SHTN1: variants seen among roughly 807,000 people sequenced by gnomAD.
The protein encoded by SHTN1 is shootin 1.
A neutral mutation model predicts 83.1 loss-of-function variants in SHTN1; 42 were observed. The ratio of observed to expected loss-of-function variants is 0.51; its 90% CI spans 0.39 to 0.65. SHTN1 has a LOEUF of 0.65. SHTN1 is among the 30% of genes least tolerant of loss of function. The pLI is 0.00. For missense variants in SHTN1, 622 were observed against 737.8 expected (o/e 0.84, Z 1.82); for synonymous variants, 224 against 247.7 (o/e 0.90, Z 0.90).
chr10:117,074,757 A>T (rs1853128741), intron 1 of SHTN1, among the ~76,000 whole-genome samples: 1 of 152,200 alleles, frequency 6.6e-6, no homozygotes, highest in Non-Finnish European at 1.5e-5. Flanking sequence ...CAGGAGTAGA[A>T]ATTTTTACAA....
chr10:116,942,492 C>T lies in SHTN1; in HGVS notation c.712-1880G>A, dbSNP rs146005130. Among the ~76,000 whole-genome samples the T allele has an allele frequency of 2.5e-3, 379 of 151,988 alleles. 2 individuals are homozygous for T. The highest frequency in any genetic ancestry group is 1.9e-3 in the Non-Finnish European group (132 of 67,996). Reference sequence around the variant, plus strand: ...CCTCCCAAAGTGCTTGGATTACAGACGTGAGCCACCATGCCTGGTCAAAAA... The same window carrying T: ...CCTCCCAAAGTGCTTGGATTACAGATGTGAGCCACCATGCCTGGTCAAAAA... On this transcript the variant is annotated intron_variant, in intron 8 of 16. Transcript: ENST00000355371.
rs139745995 is a variant in SHTN1, at chr10:117,070,889, G to A, written c.-188-22379C>T. 1.2e-3 allele frequency among the ~76,000 whole-genome samples: 176 copies of A among 152,056 alleles called. 5 individuals are homozygous for A. In the East Asian group the frequency reaches 0.029, roughly 25 times the overall value. ...GGGGGCATTAAACCCAGAAGAGAAGGCTGCATCATCTTCACCAGCCCACAA... is the reference window on the plus strand; with the variant it reads ...GGGGGCATTAAACCCAGAAGAGAAGACTGCATCATCTTCACCAGCCCACAA... On this transcript the variant is annotated intron_variant, in intron 1 of 17. Transcript: ENST00000392901.
intron 1 of SHTN1, among the ~76,000 whole-genome samples, chr10:117,077,849 C>A (rs1406574527): frequency 6.6e-6 from 1 of 152,246 alleles, no homozygotes; most frequent in African/African-American, 2.4e-5. Context: ...GATGGGCAAG[C>A]CTCCACTTTG....
At chr10:116,933,820 C>T (rs1358543283) in intron 9 of SHTN1, among the ~76,000 whole-genome samples, 1 of 152,200 alleles carries the variant, frequency 6.6e-6, no homozygotes, top group Non-Finnish European at 1.5e-5. Context: ...CACATCTTCT[C>T]CAGCATCTGT....
intron 1 of SHTN1, among the ~76,000 whole-genome samples, chr10:116,986,856 G>A (rs905170848): frequency 3.3e-5 from 5 of 150,804 alleles, no homozygotes; most frequent in Admixed American, 6.6e-5. Context: ...AGCCTCCTGA[G>A]TAACTGGGAT....
intron 9 of SHTN1, among the ~76,000 whole-genome samples, chr10:116,936,347 C>T (rs2133388743): frequency 6.6e-6 from 1 of 152,194 alleles, no homozygotes; most frequent in African/African-American, 2.4e-5. Flanking sequence ...TAGCTGTGTC[C>T]CAAAGATTCT....
intron 1 of SHTN1, among the ~76,000 whole-genome samples, chr10:117,002,697 T>C (rs1232472417): frequency 2.0e-5 from 3 of 152,176 alleles, no homozygotes; most frequent in Admixed American, 6.5e-5. Flanking sequence ...TTGAAGTAAA[T>C]TGTTTCCACA....
intron 11 of SHTN1, among the ~76,000 whole-genome samples, chr10:116,922,993 T>C (rs537609027): frequency 9.3e-5 from 14 of 151,262 alleles, no homozygotes; most frequent in Non-Finnish European, 1.6e-4. Context: ...ATAATAATAA[T>C]GTAGAGTAAA....
chr10:117,099,953 G>C (rs1428690673), intron 1 of SHTN1, among the ~76,000 whole-genome samples: 1 of 145,250 alleles, frequency 6.9e-6, no homozygotes, highest in Non-Finnish European at 1.5e-5. Context: ...CGAGGTGGGT[G>C]GATCATCTGA....
chr10:117,006,243 T>TTG (rs1564928462), upstream of SHTN1, among the ~76,000 whole-genome samples: 2 of 150,776 alleles, frequency 1.3e-5, no homozygotes, highest in African/African-American at 4.9e-5. Flanking sequence ...TTTTTTTGTT[T>TTG]TTTTTTTGTT....
chr10:116,932,374 T>C (rs1849003340), intron 9 of SHTN1, among the ~76,000 whole-genome samples: 1 of 152,190 alleles, frequency 6.6e-6, no homozygotes, highest in African/African-American at 2.4e-5. Flanking sequence ...TATTGTGAAC[T>C]GCACACGCGA....
At chr10:116,971,641 C>G (rs900824035) in intron 2 of SHTN1, among the ~76,000 whole-genome samples, 1 of 152,160 alleles carries the variant, frequency 6.6e-6, no homozygotes, top group Admixed American at 6.5e-5. Flanking sequence ...CAAAAAGAAA[C>G]CTAGTTTCCG....
At chr10:116,972,523 C>A (rs903318497) in intron 2 of SHTN1, among the ~76,000 whole-genome samples, 12 of 152,216 alleles carry the variant, frequency 7.9e-5, no homozygotes, top group African/African-American at 2.9e-4. Flanking sequence ...AACTTTCTCT[C>A]ATTCTATCAA....
At chr10:116,970,727 AC>A (rs1372729591) in intron 2 of SHTN1, among the ~76,000 whole-genome samples, 47 of 151,948 alleles carry the variant, frequency 3.1e-4, no homozygotes, top group Non-Finnish European at 5.3e-4. Context: ...AAAAAAAAAA[AC>A]AAACCATCAT....
intron 1 of SHTN1, among the ~76,000 whole-genome samples, chr10:117,101,715 C>A (rs1040825348): frequency 6.6e-6 from 1 of 152,088 alleles, no homozygotes; most frequent in Non-Finnish European, 1.5e-5. Context: ...CAACACAAAG[C>A]TATCCAAAGA....
At chr10:116,936,091 T>A (rs1050833147) in intron 9 of SHTN1, among the ~76,000 whole-genome samples, 1 of 152,166 alleles carries the variant, frequency 6.6e-6, no homozygotes, top group African/African-American at 2.4e-5. Flanking sequence ...AGTCTACCTA[T>A]TTTGTTAATC....
rs530474052 is a variant in SHTN1, at chr10:116,940,069, T to C, written c.858+397A>G. Among the ~76,000 whole-genome samples the C allele has an allele frequency of 6.8e-4, 103 of 152,326 alleles. 2 individuals carry two copies. The South Asian group carries it at 0.02, about 30-fold the overall frequency. ...AATACGGACTGTCATTTTCTTTGAA[T>C]AAAACCTATGCCCTCCAACAAGTGC... On this transcript the variant is annotated intron_variant, in intron 9 of 16. Transcript: ENST00000355371.
intron 1 of SHTN1, among the ~76,000 whole-genome samples, chr10:117,065,074 C>T (rs563795495): frequency 1.3e-5 from 2 of 152,236 alleles, no homozygotes; most frequent in African/African-American, 4.8e-5. Context: ...CCAAACACCA[C>T]ATGTTCTCAC....
At chr10:117,083,198 G>A (rs1001243535) in intron 1 of SHTN1, among the ~76,000 whole-genome samples, 27 of 139,640 alleles carry the variant, frequency 1.9e-4, no homozygotes, top group African/African-American at 4.5e-4. Context: ...CATGTTTAGC[G>A]CTTCCTTCAG....
Sources: gnomAD v4.1 joint callset for allele counts (sites outside exome capture counted in the v4.1 genomes callset) on GRCh38, gnomAD v4.1.1 for gene constraint, MANE v1.5 for transcripts, NCBI Gene and HGNC (gene_info 2026-07-23, HGNC 2026-07-21) for gene names.